The following TACR2 variants were observed in gnomAD, a reference collection of about 807,000 sequenced individuals.
The protein encoded by TACR2 is substance-K receptor.
A neutral mutation model predicts 28.9 loss-of-function variants in TACR2; 24 were observed. The ratio of observed to expected loss-of-function variants is 0.83; its 90% CI spans 0.60 to 1.17. TACR2 has a LOEUF of 1.17. Among genes scored for constraint, TACR2 ranks in the 50% most tolerant of loss-of-function variants. TACR2 has a pLI of 0.00. For missense variants in TACR2, 487 were observed against 524.4 expected (o/e 0.93, Z 0.70); for synonymous variants, 222 against 212.6 (o/e 1.04, Z -0.38).
intron 1 of TACR2, 54 bp from the exon 2 acceptor site, chr10:69,415,193 C>G (rs1277671426): frequency 1.3e-6 from 2 of 1,554,722 alleles, no homozygotes; most frequent in Non-Finnish European, 1.7e-6. Flanking sequence ...GCCCAGCTCC[C>G]TTTCCCCTGT....
At chr10:69,413,926 A>G (rs1840588965) in intron 2 of TACR2, among the ~76,000 whole-genome samples, 2 of 152,196 alleles carry the variant, frequency 1.3e-5, no homozygotes, top group South Asian at 4.1e-4. Flanking sequence ...TCACAGAGCG[A>G]GGTACTATTA....
Position 69,407,279 on chromosome 10 carries a change from A to G in TACR2, c.743T>C (p.Phe248Ser), listed in dbSNP as rs370376691. 1.1e-5 allele frequency: 18 copies of G among 1,609,944 alleles called. No homozygotes were observed. The highest frequency in any genetic ancestry group is 1.5e-5 in the Non-Finnish European group (18 of 1,178,108). Residue 248 changes from phenylalanine (F) to serine (S), a missense_variant and splice_region_variant, in exon 4 of 5, where the codon TTT becomes TCT. Coordinates refer to ENST00000373306, the MANE Select transcript of TACR2 (RefSeq NM_001057.3). ...CACCACCAGCACCATGGTCTTCACA[A>G]ACTGGTCCAGGAGAGGCTCAAGTTA... ...NLRHLQAMKK[F>S]VKTMVLVVLT...
In TACR2 at chr10:69,407,177, T is replaced by G. The variant is rs751792505; in HGVS notation, c.845A>C (p.His282Pro). 1 of 1,614,012 alleles carries G rather than the reference T, an allele frequency of 6.2e-7. No individual in the cohort carries two copies. The highest frequency in any genetic ancestry group is 1.7e-5 in the Admixed American group (1 of 60,006). ...LGSFQEDIYC[H>P]KFIQQVYLAL... ...CAGGTAGACTTGCTGGATGAACTTGTGGCAGTAGATGTCCTCCTGGAAGCT... is the reference window on the plus strand; with the variant it reads ...CAGGTAGACTTGCTGGATGAACTTGGGGCAGTAGATGTCCTCCTGGAAGCT... The change falls in exon 4 of 5, where the codon CAC (histidine) becomes CCC (proline). Residue 282 changes from histidine (H) to proline (P), a missense_variant. Transcript: ENST00000373306.
At position 69,416,362 on chromosome 10, in the gene TACR2, G is replaced by C. The variant is rs199765082; in HGVS notation, c.-39C>G. On this transcript the variant is annotated 5_prime_UTR_variant, in exon 1 of 5. Transcript: ENST00000373306. ...TCTGGAACAAAGGACCTGGCTCCTC[G>C]GCTCCTCTCGGATTTGCTATGAAAG... is the stretch of plus-strand genomic sequence containing the variant. 3 of 1,539,852 alleles carry C rather than the reference G, an allele frequency of 1.9e-6. No individual in the cohort carries two copies. Among genetic ancestry groups the C allele is most frequent in the Non-Finnish European group, 2.6e-6 (3 of 1,141,922 alleles).
intron 4 of TACR2, among the ~76,000 whole-genome samples, chr10:69,405,828 G>A (rs1163677385): frequency 6.6e-6 from 1 of 152,184 alleles, no homozygotes; most frequent in Admixed American, 6.5e-5. Context: ...AGATGTCAGA[G>A]TCCCTGTCTC....
intron 4 of TACR2, among the ~76,000 whole-genome samples, chr10:69,406,658 T>C (rs1840504659): frequency 1.3e-5 from 2 of 152,136 alleles, no homozygotes; most frequent in Admixed American, 1.3e-4. Flanking sequence ...GTAGGAAGCT[T>C]GTGAAAATAC....
Position 69,416,143 on chromosome 10 carries a change from G to A in TACR2, c.181C>T (p.His61Tyr). 2 of 1,614,222 alleles carry A rather than the reference G, an allele frequency of 1.2e-6. No homozygotes were observed. The highest frequency in any genetic ancestry group is 1.7e-6 in the Non-Finnish European group (2 of 1,180,028). The change falls in exon 1 of 5, where the codon CAT becomes TAT. Residue 61 changes from histidine to tyrosine, a missense_variant. Transcript: ENST00000373306. ...TTGGTGACTGTGCGCATCCTCCGAT[G>A]GGCCAGGATGATCCAGATGACGATG... is the stretch of plus-strand genomic sequence containing the variant. Reference protein sequence around the residue: ...NAIVIWIILAHRRMRTVTNYF... With the variant: ...NAIVIWIILAYRRMRTVTNYF...
In TACR2 at chr10:69,415,112, C is replaced by G; in HGVS notation, c.420G>C (p.Gln140His). ...TGGTGCTGGGAGCTGAAAGCCGAGGCTGGAAGGGGTGGACGATGGCCATGT... is the reference window on the plus strand; with the variant it reads ...TGGTGCTGGGAGCTGAAAGCCGAGGGTGGAAGGGGTGGACGATGGCCATGT... The part of the protein sequence containing the change: ...DRYMAIVHPF[Q>H]PRLSAPSTKA... The change falls in exon 2 of 5, where the codon CAG becomes CAC. Residue 140 changes from glutamine (Q) to histidine (H), a missense_variant. Coordinates refer to ENST00000373306, the MANE Select transcript of TACR2 (RefSeq NM_001057.3). 6.2e-7 allele frequency: 1 copy of G among 1,612,562 alleles called. No homozygotes were observed. Among genetic ancestry groups the G allele is most frequent in the Non-Finnish European group, 8.5e-7 (1 of 1,179,954 alleles).
At position 69,404,575 on chromosome 10, in the gene TACR2, C is replaced by T. The variant is rs200999758; in HGVS notation, c.*251G>A. 3.0e-6 allele frequency: 1 copy of T among 334,760 alleles called. No homozygotes were observed. Among genetic ancestry groups the T allele is most frequent in the Non-Finnish European group, 5.4e-6 (1 of 185,838 alleles). The allele number at this position is 334,760 out of a possible 1,614,324, so 20.7% of individuals were successfully genotyped here. On this transcript the variant is annotated 3_prime_UTR_variant, in exon 5 of 5. Coordinates refer to ENST00000373306, the MANE Select transcript of TACR2 (RefSeq NM_001057.3). ...TGCATCTGGTGAAGGCCTCAGGCTG[C>T]TTCTTGTCATGGTGGAAAGTGGAAG...
chr10:69,407,628 C>A (rs1332701683), intron 3 of TACR2, among the ~76,000 whole-genome samples: 1 of 152,220 alleles, frequency 6.6e-6, no homozygotes, highest in African/African-American at 2.4e-5. Context: ...TCTCTCCTAA[C>A]CCCATCCCTG....
rs777279146 is a variant in TACR2, at chr10:69,408,944, CG to C, written c.718del (p.Arg240AlafsTer6). ...CACCTTCTTCATGGCCTGCAGGTGG[CG>C]CAGGTTGGCACCGTGCGCCTGATGT... ...PGHQAHGANL[R>X]HLQAMKKFVK... On this transcript the variant is annotated frameshift_variant, in exon 3 of 5. Transcript: ENST00000373306. LOFTEE classifies it high-confidence loss of function. The C allele has an allele frequency of 6.6e-7, 1 of 1,516,500 alleles. No homozygotes were observed. Among genetic ancestry groups the C allele is most frequent in the African/African-American group, 1.4e-5 (1 of 69,164 alleles). The allele number at this position is 1,516,500 out of a possible 1,614,324, so 93.9% of individuals were successfully genotyped here. A position where few individuals can be genotyped will look rare whatever the true frequency, so the allele number is the denominator to read the frequency against.
At position 69,409,111 on chromosome 10, in the gene TACR2, C is replaced by T. The variant is rs1401023436; in HGVS notation, c.588-36G>A. 4 of 1,510,986 alleles carry T rather than the reference C, an allele frequency of 2.6e-6. 1 individual carries two copies. In the South Asian group the frequency reaches 5.1e-5, roughly 19 times the overall value. The allele number at this position is 1,510,986 out of a possible 1,614,324, so 93.6% of individuals were successfully genotyped here. A position where few individuals can be genotyped will look rare whatever the true frequency, so the allele number is the denominator to read the frequency against. ...AGCCGAGGCCTGGGCAGCGGAGGGC[C>T]CGGGGGCGACTCCGAAGTCTGCCAG... On this transcript the variant is annotated intron_variant, in intron 2 of 4. Coordinates refer to ENST00000373306, the MANE Select transcript of TACR2 (RefSeq NM_001057.3).
chr10:69,416,245 A>G lies in TACR2; in HGVS notation c.79T>C (p.Ser27Pro). The change falls in exon 1 of 5, where the codon TCC (serine) becomes CCC (proline). Residue 27 changes from serine to proline, a missense_variant. Coordinates refer to ENST00000373306, the MANE Select transcript of TACR2 (RefSeq NM_001057.3). ...ESNTTGITAF[S>P]MPSWQLALWA... ...AGTGCCAGTTGCCAGCTGGGCATGGAGAAGGCTGTGATGCCCGTGGTGTTG... is the reference window on the plus strand; with the variant it reads ...AGTGCCAGTTGCCAGCTGGGCATGGGGAAGGCTGTGATGCCCGTGGTGTTG... 1 of 1,613,852 alleles carries G rather than the reference A, an allele frequency of 6.2e-7. No homozygotes were observed. Among genetic ancestry groups the G allele is most frequent in the East Asian group, 2.2e-5 (1 of 44,872 alleles).
At chr10:69,414,284 A>G (rs1341630193) in intron 2 of TACR2, among the ~76,000 whole-genome samples, 2 of 152,322 alleles carry the variant, frequency 1.3e-5, no homozygotes, top group East Asian at 3.9e-4. Context: ...GTTCTGCCTC[A>G]GTCTCCTGCC....
chr10:69,414,171 C>A (rs554396001), intron 2 of TACR2, among the ~76,000 whole-genome samples: 1 of 152,292 alleles, frequency 6.6e-6, no homozygotes, highest in Non-Finnish European at 1.5e-5. Context: ...GGTCACACAG[C>A]AGCTGGGCCA....
In TACR2 at chr10:69,416,845, A is replaced by G. The variant is rs1840624726; in HGVS notation, c.-522T>C. Reference sequence around the variant, plus strand: ...AGCCTCTCTCCAGGCTTTGGGCTGCAAGCCGGGCTGGGTGCTGGGTGCTCA... The same window carrying G: ...AGCCTCTCTCCAGGCTTTGGGCTGCGAGCCGGGCTGGGTGCTGGGTGCTCA... On this transcript the variant is annotated 5_prime_UTR_variant, in exon 1 of 5. Coordinates refer to ENST00000373306, the MANE Select transcript of TACR2 (RefSeq NM_001057.3). 6.5e-6 allele frequency: 1 copy of G among 152,760 alleles called. No individual in the cohort carries two copies. The highest frequency in any genetic ancestry group is 1.5e-5 in the Non-Finnish European group (1 of 68,470). 9.5% of individuals were successfully genotyped at this position (152,760 alleles called of 1,614,324 possible).
At chr10:69,406,968 A>T in intron 4 of TACR2, 116 bp downstream of exon 4, 1 of 1,077,702 alleles carries the variant, frequency 9.3e-7, no homozygotes, top group South Asian at 1.4e-5. Flanking sequence ...CTGGGGGCAC[A>T]GGGCCACAGG....
rs1589602839 is a variant in TACR2 at position 69,408,966 on chromosome 10, G to C, written c.697C>G (p.Gln233Glu). 1 of 1,597,858 alleles carries C rather than the reference G, an allele frequency of 6.3e-7. No individual in the cohort carries two copies. The highest frequency in any genetic ancestry group is 8.5e-7 in the Non-Finnish European group (1 of 1,175,482). The change falls in exon 3 of 5, where the codon CAG becomes GAG. Residue 233 changes from glutamine to glutamate, a missense_variant. Gln to Glu is a conservative substitution (Grantham distance 29, BLOSUM62 2). Coordinates refer to ENST00000373306, the MANE Select transcript of TACR2 (RefSeq NM_001057.3). The part of the protein sequence containing the change: ...TLWRRAVPGH[Q>E]AHGANLRHLQ... The stretch of plus-strand genomic sequence containing the variant: ...TGGCGCAGGTTGGCACCGTGCGCCT[G>C]ATGTCCGGGCACTGCGCGCCTCCAG...
intron 2 of TACR2, 35 bp downstream of exon 2, chr10:69,414,910 C>G: frequency 6.3e-7 from 1 of 1,584,400 alleles, no homozygotes; most frequent in Non-Finnish European, 8.6e-7. Context: ...CACACACACA[C>G]ACTGTTGCCC....
Sources: gnomAD v4.1 joint callset for allele counts (sites outside exome capture counted in the v4.1 genomes callset) on GRCh38, gnomAD v4.1.1 for gene constraint, MANE v1.5 for transcripts, NCBI Gene and HGNC (gene_info 2026-07-23, HGNC 2026-07-21) for gene names.